Variants in PHACTR1 observed in about 807,000 individuals in gnomAD.
PHACTR1 encodes RPEL repeat containing 1.
In PHACTR1, 16 loss-of-function variants were observed where a neutral mutation model predicts 69.2. The observed-to-expected ratio is 0.23, with a 90% confidence interval of 0.16 to 0.35. The LOEUF is 0.35. PHACTR1 is among the 10% of genes least tolerant of loss of function. The probability of loss-of-function intolerance (pLI) is 1.00; values close to 1 mark genes in which losing one functional copy is unlikely to be tolerated. For synonymous variants in PHACTR1, 312 were observed against 284.5 expected, an observed-to-expected ratio of 1.10 and a Z score of -0.97; for missense variants, 510 against 734.7, an observed-to-expected ratio of 0.69 and a Z score of 3.54.
At chr6:13,263,619 CATTTT>C (rs1428525919) in intron 10 of PHACTR1, among the ~76,000 whole-genome samples, 1 of 152,188 alleles carries the variant, frequency 6.6e-6, no homozygotes, top group African/African-American at 2.4e-5. Context: ...TTGGATGATT[CATTTT>C]ATGTAAAAAT....
chr6:13,134,225 G>A (rs1029974339), intron 5 of PHACTR1, among the ~76,000 whole-genome samples: 3 of 148,212 alleles, frequency 2.0e-5, no homozygotes, highest in African/African-American at 5.0e-5. Context: ...CCCCCGCCCC[G>A]CCAGCCGCCC....
intron 5 of PHACTR1, among the ~76,000 whole-genome samples, chr6:13,123,328 G>A (rs956699586): frequency 6.6e-6 from 1 of 152,188 alleles, no homozygotes; most frequent in Admixed American, 6.5e-5. Flanking sequence ...CTCCAAATCT[G>A]TATATTCTTA....
rs1046577739 is a variant in PHACTR1 at position 13,227,359 on chromosome 6, C to T, written c.987-457C>T. ...AGAACCTCAATTATTATCTTTCTCTCCTGAATCTGTAGCTTCACTATCAAA... is the reference window on the plus strand; with the variant it reads ...AGAACCTCAATTATTATCTTTCTCTTCTGAATCTGTAGCTTCACTATCAAA... On this transcript the variant is annotated intron_variant, in intron 8 of 14. Coordinates refer to ENST00000332995, the MANE Select transcript of PHACTR1 (RefSeq NM_030948.6). 2.6e-5 allele frequency among the ~76,000 whole-genome samples: 4 copies of T among 152,192 alleles called. No homozygotes were observed. The South Asian group carries it at 6.2e-4, about 24-fold the overall frequency.
intron 4 of PHACTR1, among the ~76,000 whole-genome samples, chr6:12,842,707 G>T (rs1778817932): frequency 7.0e-6 from 1 of 142,924 alleles, no homozygotes; most frequent in East Asian, 2.0e-4. Context: ...ATGCCCAGCT[G>T]ATTTTTTTTT....
chr6:13,069,962 C>T lies in PHACTR1; in HGVS notation c.415+16433C>T, dbSNP rs568154353. Among the ~76,000 whole-genome samples the T allele has an allele frequency of 4.6e-4, 70 of 152,278 alleles. 1 individual carries two copies. The South Asian group carries it at 0.01, about 22-fold the overall frequency. On this transcript the variant is annotated intron_variant, in intron 5 of 14. Coordinates refer to ENST00000332995, the MANE Select transcript of PHACTR1 (RefSeq NM_030948.6). ...CTAAGGCTACAGTGCTGGTGTCTGA[C>T]TCCATGGTCGCACTGGACTCAGATC...
At chr6:13,134,267 C>T (rs1821148251) in intron 5 of PHACTR1, among the ~76,000 whole-genome samples, 2 of 151,898 alleles carry the variant, frequency 1.3e-5, no homozygotes, top group Admixed American at 6.5e-5. Flanking sequence ...GCGCCTCTGC[C>T]CGGCCGCCAC....
At chr6:12,735,541 C>T (rs1456014491) in intron 3 of PHACTR1, among the ~76,000 whole-genome samples, 1 of 152,192 alleles carries the variant, frequency 6.6e-6, no homozygotes, top group African/African-American at 2.4e-5. Context: ...TAATATGTCT[C>T]ACATCATCAA....
intron 4 of PHACTR1, among the ~76,000 whole-genome samples, chr6:12,761,715 A>G (rs1341608229): frequency 6.6e-6 from 1 of 152,138 alleles, no homozygotes; most frequent in Non-Finnish European, 1.5e-5. Context: ...TTCTTTTTCA[A>G]TCACCTCTCC....
rs539512939 is a variant in PHACTR1 at position 13,121,888 on chromosome 6, C to T, written c.416-38316C>T. On this transcript the variant is annotated intron_variant, in intron 5 of 14. Transcript: ENST00000332995. The stretch of plus-strand genomic sequence containing the variant: ...TGGGAATCTTGGGAACAGGGACTTA[C>T]TGAGTTCAGAAAATGCATCATGCAA... 1.1e-4 allele frequency among the ~76,000 whole-genome samples: 16 copies of T among 152,316 alleles called. No homozygotes were observed. In the South Asian group the frequency reaches 3.3e-3, roughly 32 times the overall value.
chr6:12,945,363 A>T (rs2127546137), intron 4 of PHACTR1, among the ~76,000 whole-genome samples: 1 of 152,328 alleles, frequency 6.6e-6, no homozygotes, highest in East Asian at 1.9e-4. Flanking sequence ...TCCACTGTTC[A>T]GTCAAAACTG....
chr6:12,985,541 A>T (rs10602249), intron 4 of PHACTR1, among the ~76,000 whole-genome samples: 54,532 of 132,582 alleles, frequency 0.41, 11,551 homozygotes, highest in African/African-American at 0.51. Context: ...AAAAAAAAAA[A>T]ATATATATAT....
Position 13,053,449 on chromosome 6 carries a change from A to G in PHACTR1, c.335A>G (p.Lys112Arg). The change falls in exon 5 of 15, where the codon AAG becomes AGG. Residue 112 changes from lysine (K) to arginine (R), a missense_variant. Around this residue, in one of 2 missense-constraint regions of PHACTR1, gnomAD observed 419 missense variants for 530.9 expected, o/e 0.79. Coordinates refer to ENST00000332995, the MANE Select transcript of PHACTR1 (RefSeq NM_030948.6). ...ACCCCACCCATCCGCAGGAGAAGTAAGTTTGCCAACCTGGGAAGGATTTTC... is the reference window on the plus strand; with the variant it reads ...ACCCCACCCATCCGCAGGAGAAGTAGGTTTGCCAACCTGGGAAGGATTTTC... ...THTPPIRRRS[K>R]FANLGRIFKP... 1 of 1,613,920 alleles carries G rather than the reference A, an allele frequency of 6.2e-7. No individual in the cohort carries two copies. Among genetic ancestry groups the G allele is most frequent in the Admixed American group, 1.7e-5 (1 of 60,004 alleles).
At chr6:13,053,554 C>A in intron 5 of PHACTR1, 25 bp downstream of exon 5, 1 of 1,606,314 alleles carries the variant, frequency 6.2e-7, no homozygotes, top group South Asian at 1.1e-5. Context: ...TCTTTCATTT[C>A]CCATTTGGTG....
chr6:13,201,788 T>C (rs913565327), intron 7 of PHACTR1, among the ~76,000 whole-genome samples: 1 of 152,150 alleles, frequency 6.6e-6, no homozygotes, highest in Non-Finnish European at 1.5e-5. Flanking sequence ...GTTGTAAAAA[T>C]ATACAAATAG....
intron 4 of PHACTR1, among the ~76,000 whole-genome samples, chr6:12,846,646 A>G (rs182033661): frequency 2.2e-4 from 33 of 151,964 alleles, no homozygotes; most frequent in African/African-American, 7.2e-4. Context: ...TAACTTTTGA[A>G]GTAATATTAA....
intron 4 of PHACTR1, among the ~76,000 whole-genome samples, chr6:12,976,126 G>A (rs1314451042): frequency 6.6e-6 from 1 of 152,298 alleles, no homozygotes; most frequent in East Asian, 1.9e-4. Flanking sequence ...GGTGATGGAA[G>A]GGGAAGGAGA....
intron 4 of PHACTR1, among the ~76,000 whole-genome samples, chr6:12,889,745 C>T (rs1783981494): frequency 6.7e-6 from 1 of 148,892 alleles, no homozygotes; most frequent in Admixed American, 6.7e-5. Flanking sequence ...TTTCTTCTTT[C>T]TTCTTCTTCT....
intron 10 of PHACTR1, among the ~76,000 whole-genome samples, chr6:13,255,013 T>C (rs1406855382): frequency 6.6e-6 from 1 of 152,228 alleles, no homozygotes; most frequent in African/African-American, 2.4e-5. Context: ...AAAGAAATGC[T>C]TGAGACTGGG....
chr6:13,247,652 C>T (rs1240728895), intron 10 of PHACTR1, among the ~76,000 whole-genome samples: 2 of 152,072 alleles, frequency 1.3e-5, no homozygotes, highest in Non-Finnish European at 2.9e-5. Flanking sequence ...AGCCCAAGTT[C>T]CCTCTTAAAA....
Sources: gnomAD v4.1 joint callset for allele counts (sites outside exome capture counted in the v4.1 genomes callset) on GRCh38, gnomAD v4.1.1 for gene constraint, gnomAD v4.1.1 regional missense constraint, MANE v1.5 for transcripts, NCBI Gene and HGNC (gene_info 2026-07-23, HGNC 2026-07-21) for gene names.